The following GMDS variants were observed in gnomAD, a reference collection of about 807,000 sequenced individuals.
The protein encoded by GMDS is GDP-mannose 4,6 dehydratase.
A neutral mutation model predicts 49.9 loss-of-function variants in GMDS; 20 were observed. The ratio of observed to expected loss-of-function variants is 0.40; its 90% CI spans 0.28 to 0.58. The LOEUF (loss-of-function observed/expected upper bound fraction) is 0.58, where lower values mean the gene tolerates loss of function less well. Among genes scored for constraint, GMDS ranks in the 20% least tolerant of loss-of-function variants. The pLI is 0.42. For synonymous variants in GMDS, 177 were observed against 178.6 expected, an observed-to-expected ratio of 0.99 and a Z score of 0.07; for missense variants, 362 against 481.4, an observed-to-expected ratio of 0.75 and a Z score of 2.32.
intron 4 of GMDS, among the ~76,000 whole-genome samples, chr6:1,978,539 C>T (rs538978879): frequency 2.6e-5 from 4 of 152,232 alleles, no homozygotes; most frequent in South Asian, 4.2e-4. Context: ...CCTTGTGGGG[C>T]GGGTCCTCCC....
chr6:1,913,636 T>C (rs900841980), intron 7 of GMDS, among the ~76,000 whole-genome samples: 1 of 152,232 alleles, frequency 6.6e-6, no homozygotes, highest in East Asian at 1.9e-4. Context: ...TTGGAAACTT[T>C]AGACTTGAAA....
intron 4 of GMDS, among the ~76,000 whole-genome samples, chr6:2,044,902 T>TG (rs1562001938): frequency 1.3e-5 from 2 of 151,640 alleles, no homozygotes; most frequent in African/African-American, 4.8e-5. Flanking sequence ...GTGTGTGTGT[T>TG]TTTTTCAGGC....
chr6:2,009,088 A>G (rs1354883436), intron 4 of GMDS, among the ~76,000 whole-genome samples: 1 of 152,234 alleles, frequency 6.6e-6, no homozygotes, highest in Non-Finnish European at 1.5e-5. Flanking sequence ...TTAAAGGAGA[A>G]AAGTGGCTAG....
At chr6:2,098,010 A>G (rs1292888887) in intron 4 of GMDS, among the ~76,000 whole-genome samples, 2 of 132,048 alleles carry the variant, frequency 1.5e-5, no homozygotes, top group Non-Finnish European at 3.0e-5. Flanking sequence ...ATGTTTTAAG[A>G]AAAAAAAAAA....
intron 4 of GMDS, among the ~76,000 whole-genome samples, chr6:2,000,485 C>T (rs1766738767): frequency 6.6e-6 from 1 of 152,108 alleles, no homozygotes; most frequent in African/African-American, 2.4e-5. Context: ...ACCCACTCAA[C>T]TATTTTATGT....
At chr6:2,073,113 T>C (rs1772111329) in intron 4 of GMDS, among the ~76,000 whole-genome samples, 2 of 152,242 alleles carry the variant, frequency 1.3e-5, no homozygotes, top group South Asian at 4.1e-4. Flanking sequence ...CTCCACCTGA[T>C]GCAGACCATG....
At chr6:1,975,930 C>G (rs1764874578) in intron 4 of GMDS, among the ~76,000 whole-genome samples, 1 of 152,138 alleles carries the variant, frequency 6.6e-6, no homozygotes, top group Non-Finnish European at 1.5e-5. Flanking sequence ...TCCTGCACCC[C>G]TAGGAGGCTG....
At chr6:2,104,126 C>T (rs1774086109) in intron 4 of GMDS, among the ~76,000 whole-genome samples, 1 of 152,186 alleles carries the variant, frequency 6.6e-6, no homozygotes, top group African/African-American at 2.4e-5. Flanking sequence ...GCAACTTGTG[C>T]GTGGTTTCTC....
At chr6:2,172,442 C>T (rs452490) in intron 1 of GMDS, among the ~76,000 whole-genome samples, 6,181 of 152,210 alleles carry the variant, frequency 0.041, 256 homozygotes, top group South Asian at 0.13. Flanking sequence ...CCTGCAATCC[C>T]AGCACTTTGG....
At chr6:2,000,033 ATCTTTTTTTT>A (rs1766692632) in intron 4 of GMDS, among the ~76,000 whole-genome samples, 1 of 20,458 alleles carries the variant, frequency 4.9e-5, no homozygotes, top group Non-Finnish European at 1.0e-4. Flanking sequence ...ATATATCTAT[ATCTTTTTTTT>A]TTTTTTTTTG....
At chr6:1,990,877 C>A (rs926022005) in intron 4 of GMDS, among the ~76,000 whole-genome samples, 1 of 152,070 alleles carries the variant, frequency 6.6e-6, no homozygotes, top group Non-Finnish European at 1.5e-5. Flanking sequence ...AGCCTCCGTG[C>A]CCGGCCAACT....
At chr6:1,797,272 A>AC (rs1276479988) in intron 7 of GMDS, among the ~76,000 whole-genome samples, 5 of 151,684 alleles carry the variant, frequency 3.3e-5, no homozygotes, top group Non-Finnish European at 7.4e-5. Context: ...AAGCGTCCCC[A>AC]CCCCCCAGTC....
rs372584893 is a variant in GMDS, at chr6:2,093,672, G to C, written c.345+22099C>G. Among the ~76,000 whole-genome samples, 69 of 151,728 alleles carry C rather than the reference G, an allele frequency of 4.5e-4. No homozygotes were observed. The South Asian group carries it at 0.014, about 31-fold the overall frequency. On this transcript the variant is annotated intron_variant, in intron 4 of 10. Coordinates refer to ENST00000380815, the MANE Select transcript of GMDS (RefSeq NM_001500.4). ...AATGAAATGTTGCTTATTGCAAAAA[G>C]AAGATGATCTTATAAAAATTAAATT...
chr6:2,203,441 A>C (rs1211743801), intron 1 of GMDS, among the ~76,000 whole-genome samples: 2 of 152,178 alleles, frequency 1.3e-5, no homozygotes, highest in Non-Finnish European at 2.9e-5. Context: ...TTGTATTAGC[A>C]GGAAACCAGG....
intron 4 of GMDS, among the ~76,000 whole-genome samples, chr6:2,096,070 A>G (rs772797185): frequency 4.1e-4 from 62 of 152,338 alleles, no homozygotes; most frequent in Non-Finnish European, 7.8e-4. Context: ...TGGACAAAGG[A>G]TAGGAAGAGG....
At chr6:1,781,717 T>C (rs1769093924) in intron 7 of GMDS, among the ~76,000 whole-genome samples, 1 of 152,220 alleles carries the variant, frequency 6.6e-6, no homozygotes, top group African/African-American at 2.4e-5. Context: ...CTGCTGGTCA[T>C]AACTTCCTTT....
chr6:1,985,053 C>T (rs1304991704), intron 4 of GMDS, among the ~76,000 whole-genome samples: 1 of 152,112 alleles, frequency 6.6e-6, no homozygotes, highest in Non-Finnish European at 1.5e-5. Flanking sequence ...AAATCCAATG[C>T]AGAGGCAGAA....
At chr6:2,183,834 CA>C (rs1778661633) in intron 1 of GMDS, among the ~76,000 whole-genome samples, 1 of 152,174 alleles carries the variant, frequency 6.6e-6, no homozygotes, top group Non-Finnish European at 1.5e-5. Flanking sequence ...CCTCTACTAG[CA>C]AATAGATTAC....
chr6:2,106,428 A>G (rs1458247354), intron 4 of GMDS, among the ~76,000 whole-genome samples: 2 of 152,224 alleles, frequency 1.3e-5, no homozygotes, highest in East Asian at 3.8e-4. Flanking sequence ...AAGCTTTACT[A>G]TGTATTTTAA....
Sources: allele counts gnomAD v4.1 joint callset (sites outside exome capture counted in the v4.1 genomes callset), GRCh38; gene constraint gnomAD v4.1.1; transcripts MANE v1.5; gene names NCBI Gene and HGNC (gene_info 2026-07-23, HGNC 2026-07-21).